The following CNTNAP2 variants were observed in gnomAD, a reference collection of about 807,000 sequenced individuals.
CNTNAP2 encodes the protein contactin-associated protein-like 2.
Under a neutral mutation model 155.2 loss-of-function variants are expected in CNTNAP2, and 98 were observed. The ratio of observed to expected loss-of-function variants is 0.63; its 90% CI spans 0.54 to 0.75. The LOEUF (loss-of-function observed/expected upper bound fraction) is 0.75, where lower values mean the gene tolerates loss of function less well. Ranked by LOEUF, CNTNAP2 falls within the 30% of genes least tolerant of loss-of-function variation. CNTNAP2 has a pLI of 0.00. For missense variants in CNTNAP2, 1,727 were observed against 1,688.1 expected, an observed-to-expected ratio of 1.02 and a Z score of -0.40; for synonymous variants, 651 against 631.2, an observed-to-expected ratio of 1.03 and a Z score of -0.47.
rs576389937 is a variant in CNTNAP2, at chr7:147,618,975, G to C, written c.1898-20131G>C. On this transcript the variant is annotated intron_variant, in intron 12 of 23. Coordinates refer to ENST00000361727, the MANE Select transcript of CNTNAP2 (RefSeq NM_014141.6). Reference sequence around the variant, plus strand: ...ATGACTACACTGGTTAATCTTGAGGGCCCGTTATTGCCAGAGACAGGAACA... The same window carrying C: ...ATGACTACACTGGTTAATCTTGAGGCCCCGTTATTGCCAGAGACAGGAACA... Among the ~76,000 whole-genome samples, 9 of 152,202 alleles carry C rather than the reference G, an allele frequency of 5.9e-5. No homozygotes were observed. In the South Asian group the frequency reaches 1.9e-3, roughly 32 times the overall value.
chr7:147,024,956 G>A (rs1181918671), intron 3 of CNTNAP2, among the ~76,000 whole-genome samples: 1 of 151,890 alleles, frequency 6.6e-6, no homozygotes, highest in Non-Finnish European at 1.5e-5. Context: ...ACTCACTATC[G>A]CGACCAAGGA....
intron 20 of CNTNAP2, among the ~76,000 whole-genome samples, chr7:148,265,431 A>G (rs1796650331): frequency 1.3e-5 from 2 of 151,930 alleles, no homozygotes; most frequent in Admixed American, 1.3e-4. Context: ...ACACCACCAC[A>G]CCCAGCTACT....
intron 1 of CNTNAP2, among the ~76,000 whole-genome samples, chr7:146,505,179 C>G (rs1380117551): frequency 1.3e-5 from 2 of 152,188 alleles, no homozygotes; most frequent in African/African-American, 4.8e-5. Context: ...TCCACAGAAG[C>G]TGGATGTATG....
chr7:146,707,331 T>C (rs1455026135), intron 1 of CNTNAP2, among the ~76,000 whole-genome samples: 1 of 152,200 alleles, frequency 6.6e-6, no homozygotes, highest in African/African-American at 2.4e-5. Context: ...GCATGGGGCC[T>C]CACTCCATTG....
intron 3 of CNTNAP2, among the ~76,000 whole-genome samples, chr7:146,995,144 C>A (rs1245533446): frequency 6.6e-6 from 1 of 151,970 alleles, no homozygotes; most frequent in Non-Finnish European, 1.5e-5. Context: ...CAGATTGATT[C>A]GATTTGTGAT....
At chr7:147,277,504 T>G (rs568041630) in intron 8 of CNTNAP2, among the ~76,000 whole-genome samples, 65 of 152,140 alleles carry the variant, frequency 4.3e-4, no homozygotes, top group South Asian at 1.0e-3. Context: ...AATTTACTAC[T>G]ATTTGAACTC....
chr7:147,751,215 T>C (rs1046655232), intron 13 of CNTNAP2, among the ~76,000 whole-genome samples: 1 of 151,666 alleles, frequency 6.6e-6, no homozygotes, highest in African/African-American at 2.4e-5. Flanking sequence ...AAAATAATTA[T>C]CTGAAACCTT....
intron 1 of CNTNAP2, among the ~76,000 whole-genome samples, chr7:146,747,670 ATTAG>A (rs1272608607): frequency 7.2e-5 from 11 of 152,178 alleles, no homozygotes; most frequent in Admixed American, 2.0e-4. Context: ...TACTTAAAAC[ATTAG>A]TTAGGGCATT....
At chr7:148,299,424 C>T (rs899452274) in intron 21 of CNTNAP2, among the ~76,000 whole-genome samples, 1 of 152,238 alleles carries the variant, frequency 6.6e-6, no homozygotes, top group African/African-American at 2.4e-5. Context: ...AGAGAAAGTT[C>T]TGATGAGCCA....
rs777449297 is a variant in CNTNAP2, at chr7:147,605,053, T to G, written c.1898-34053T>G. ...CCTCAGGAAACTAAGGCCTTGATATTTCAAGTGATTTGTCCAAGTTCATAG... is the reference window on the plus strand; with the variant it reads ...CCTCAGGAAACTAAGGCCTTGATATGTCAAGTGATTTGTCCAAGTTCATAG... On this transcript the variant is annotated intron_variant, in intron 12 of 23. Coordinates refer to ENST00000361727, the MANE Select transcript of CNTNAP2 (RefSeq NM_014141.6). 2.7e-5 allele frequency among the ~76,000 whole-genome samples: 4 copies of G among 150,036 alleles called. No individual in the cohort carries two copies. In the South Asian group the frequency reaches 8.5e-4, roughly 32 times the overall value.
intron 3 of CNTNAP2, among the ~76,000 whole-genome samples, chr7:147,015,496 C>T (rs184831900): frequency 2.3e-3 from 346 of 151,990 alleles, no homozygotes; most frequent in Non-Finnish European, 3.8e-3. Context: ...CATCTAAAGA[C>T]GCATTTACTT....
intron 2 of CNTNAP2, among the ~76,000 whole-genome samples, chr7:146,787,185 C>T (rs1051219951): frequency 6.6e-6 from 1 of 152,176 alleles, no homozygotes; most frequent in African/African-American, 2.4e-5. Flanking sequence ...TGTTGACTTC[C>T]TTACTCTTCC....
At chr7:146,606,294 CATG>C (rs1348499951) in intron 1 of CNTNAP2, among the ~76,000 whole-genome samples, 2 of 152,078 alleles carry the variant, frequency 1.3e-5, no homozygotes, top group Non-Finnish European at 2.9e-5. Flanking sequence ...TAAAAAGTGA[CATG>C]AGTTCTACAT....
intron 1 of CNTNAP2, among the ~76,000 whole-genome samples, chr7:146,245,964 G>C (rs1047163143): frequency 4.3e-5 from 6 of 139,396 alleles, no homozygotes; most frequent in Admixed American, 3.4e-4. Flanking sequence ...AAAACAATTT[G>C]GTTGATAAGG....
chr7:147,911,983 T>C (rs1800075385), intron 14 of CNTNAP2, among the ~76,000 whole-genome samples: 2 of 152,190 alleles, frequency 1.3e-5, no homozygotes, highest in Admixed American at 1.3e-4. Context: ...TTTCTAAAAA[T>C]CTCTTATTTT....
intron 8 of CNTNAP2, among the ~76,000 whole-genome samples, chr7:147,251,343 T>C (rs886159520): frequency 6.6e-6 from 1 of 152,188 alleles, no homozygotes; most frequent in Non-Finnish European, 1.5e-5. Flanking sequence ...TCCACATTGC[T>C]CTCTCTGAAC....
chr7:148,076,976 A>T (rs1490817844), intron 15 of CNTNAP2, among the ~76,000 whole-genome samples: 1 of 151,814 alleles, frequency 6.6e-6, no homozygotes, highest in Admixed American at 6.6e-5. Context: ...CTGAACCACA[A>T]TGTTGGATTT....
At chr7:147,342,627 T>C (rs1053310234) in intron 9 of CNTNAP2, among the ~76,000 whole-genome samples, 10 of 152,172 alleles carry the variant, frequency 6.6e-5, no homozygotes, top group African/African-American at 2.4e-4. Flanking sequence ...CGTAGCAATT[T>C]CAGTTGTGCT....
chr7:147,287,890 A>T (rs1805217010), intron 8 of CNTNAP2, among the ~76,000 whole-genome samples: 1 of 152,006 alleles, frequency 6.6e-6, no homozygotes, highest in African/African-American at 2.4e-5. Flanking sequence ...TCCAGTGCTA[A>T]CCTCCGTCCA....
Sources: allele counts gnomAD v4.1 joint callset (sites outside exome capture counted in the v4.1 genomes callset), GRCh38; gene constraint gnomAD v4.1.1; transcripts MANE v1.5; gene names NCBI Gene and HGNC (gene_info 2026-07-23, HGNC 2026-07-21).